Variants in LGI2 observed in about 807,000 individuals in gnomAD.
The protein encoded by LGI2 is leucine rich repeat LGI family member 2, also known as leucine-rich repeat LGI family member 2.
LGI2 carries 30 observed loss-of-function variants against 52.0 expected under a neutral mutation model. That is an observed-to-expected ratio of 0.58 (90% CI 0.43 to 0.78). The LOEUF is 0.78. Among genes scored for constraint, LGI2 ranks in the 30% least tolerant of loss-of-function variants. The pLI, the probability that LGI2 is intolerant of heterozygous loss-of-function variation, is 0.00. For missense variants in LGI2, 573 were observed against 692.5 expected (o/e 0.83, Z 1.94); for synonymous variants, 270 against 271.8 (o/e 0.99, Z 0.06).
intron 2 of LGI2, 42 bp downstream of exon 2, chr4:25,028,465 C>T: frequency 1.3e-6 from 2 of 1,585,406 alleles, no homozygotes; most frequent in Non-Finnish European, 1.7e-6. Context: ...AGGATGGCAC[C>T]TCAGGGCCCC....
At chr4:24,995,141 T>C (rs923176151), downstream of LGI2, among the ~76,000 whole-genome samples, 1 of 152,200 alleles carries the variant, frequency 6.6e-6, no homozygotes, top group Non-Finnish European at 1.5e-5. Context: ...CCTTAAACAG[T>C]ATGTGTGTTG....
At chr4:25,012,251 T>C (rs1725609330) in intron 7 of LGI2, 84 bp downstream of exon 7, 2 of 1,480,640 alleles carry the variant, frequency 1.4e-6, no homozygotes, top group Admixed American at 1.7e-5. Flanking sequence ...GAGCTCTCCC[T>C]CAATACAGAG....
chr4:25,017,489 T>C (rs1416720641), intron 6 of LGI2, among the ~76,000 whole-genome samples: 1 of 138,154 alleles, frequency 7.2e-6, no homozygotes, highest in Non-Finnish European at 1.5e-5. Flanking sequence ...TTGCAGTGAG[T>C]TGAGATCACG....
At chr4:25,020,107 A>G (rs1412875557) in intron 4 of LGI2, among the ~76,000 whole-genome samples, 1 of 152,240 alleles carries the variant, frequency 6.6e-6, no homozygotes, top group African/African-American at 2.4e-5. Context: ...GACTCAGTCA[A>G]TACTCCTTTA....
intron 4 of LGI2, among the ~76,000 whole-genome samples, chr4:25,023,838 C>A (rs1726056597): frequency 6.6e-6 from 1 of 152,164 alleles, no homozygotes; most frequent in African/African-American, 2.4e-5. Flanking sequence ...TTTTCATAAA[C>A]ACAGCCACTA....
In LGI2 at chr4:25,004,345, T is replaced by C; in HGVS notation, c.821-77A>G. ...CATCTCCGCTTGTACTCTTATACAC[T>C]GCTGGTGGGAGTGTGAAATGGCACA... On this transcript the variant is annotated intron_variant, in intron 7 of 7. Transcript: ENST00000382114. The surrounding 1 kb of genome is among the most constrained non-coding windows in gnomAD (Gnocchi z 4.6). The C allele has an allele frequency of 7.8e-7, 1 of 1,278,710 alleles. No homozygotes were observed. The highest frequency in any genetic ancestry group is 2.3e-5 in the East Asian group (1 of 43,052). 79.2% of individuals were successfully genotyped at this position (1,278,710 alleles called of 1,614,324 possible).
At chr4:25,018,874 A>C (rs1725857431) in intron 5 of LGI2, among the ~76,000 whole-genome samples, 1 of 151,882 alleles carries the variant, frequency 6.6e-6, no homozygotes, top group African/African-American at 2.4e-5. Flanking sequence ...AAAAAAAAAA[A>C]TACATCCAGT....
chr4:25,003,670 T>G lies in LGI2; in HGVS notation c.1419A>C (p.Lys473Asn). 1 of 1,614,218 alleles carries G rather than the reference T, an allele frequency of 6.2e-7. No homozygotes were observed. The part of the protein sequence containing the change: ...GAMTLQPFSF[K>N]DNHYLALGSD... ...TCCCCAGGGCCAGGTAGTGATTATC[T>G]TTAAAAGAAAAGGGCTGCAGGGTCA... Residue 473 changes from lysine (K) to asparagine (N), a missense_variant, in exon 8 of 8, where the codon AAA becomes AAC. Physicochemically the swap from Lys to Asn is moderately conservative, Grantham distance 94 (BLOSUM62 0). Coordinates refer to ENST00000382114, the MANE Select transcript of LGI2 (RefSeq NM_018176.4).
Position 25,004,613 on chromosome 4 carries a change from G to A in LGI2, c.821-345C>T, listed in dbSNP as rs1236606292. Among the ~76,000 whole-genome samples the A allele has an allele frequency of 6.6e-6, 1 of 152,100 alleles. No individual in the cohort carries two copies. Among genetic ancestry groups the A allele is most frequent in the Non-Finnish European group, 1.5e-5 (1 of 68,020 alleles). On this transcript the variant is annotated intron_variant, in intron 7 of 7. Coordinates refer to ENST00000382114, the MANE Select transcript of LGI2 (RefSeq NM_018176.4). This position sits in a 1 kb window ranked among gnomAD's most constrained non-coding sequence, Gnocchi z 4.6. ...CCTTTGGGAGGTGATTAGGTCATGGGAGCAGAGTCCTCAGGAATGGGATTA... is the reference window on the plus strand; with the variant it reads ...CCTTTGGGAGGTGATTAGGTCATGGAAGCAGAGTCCTCAGGAATGGGATTA...
At chr4:25,022,331 C>T (rs1725996843) in intron 4 of LGI2, among the ~76,000 whole-genome samples, 2 of 152,208 alleles carry the variant, frequency 1.3e-5, no homozygotes, top group South Asian at 2.1e-4. Context: ...AAACAGCATC[C>T]CGGGCAAGGG....
At position 25,019,149 on chromosome 4, in the gene LGI2, C is replaced by T. The variant is rs375321092; in HGVS notation, c.485+18G>A. On this transcript the variant is annotated intron_variant, in intron 5 of 7. Transcript: ENST00000382114. ...GGGCACAATGACAAACACACATAAA[C>T]TAAATTTCATTACTTACAGTTCAAT... The T allele has an allele frequency of 1.3e-6, 2 of 1,510,714 alleles. No individual in the cohort carries two copies. The highest frequency in any genetic ancestry group is 1.8e-6 in the Non-Finnish European group (2 of 1,088,050). The allele number at this position is 1,510,714 out of a possible 1,614,324, so 93.6% of individuals were successfully genotyped here.
intron 7 of LGI2, among the ~76,000 whole-genome samples, chr4:25,009,524 G>GT (rs1725508506): frequency 6.6e-6 from 1 of 151,932 alleles, no homozygotes; most frequent in Non-Finnish European, 1.5e-5. Flanking sequence ...TGTCTGATGT[G>GT]TTTTTTTAAA....
At chr4:25,020,981 G>A (rs567119600) in intron 4 of LGI2, among the ~76,000 whole-genome samples, 23 of 151,998 alleles carry the variant, frequency 1.5e-4, no homozygotes, top group Non-Finnish European at 2.2e-4. Flanking sequence ...TTTCCTGGTC[G>A]ATGGTCACTT....
At chr4:25,010,638 A>G (rs1038482035) in intron 7 of LGI2, among the ~76,000 whole-genome samples, 5 of 152,210 alleles carry the variant, frequency 3.3e-5, no homozygotes, top group African/African-American at 9.6e-5. Flanking sequence ...TCTTTCTAGT[A>G]TGTATGCCTC....
At chr4:25,020,198 A>G (rs1440806319) in intron 4 of LGI2, among the ~76,000 whole-genome samples, 2 of 152,178 alleles carry the variant, frequency 1.3e-5, no homozygotes, top group Non-Finnish European at 2.9e-5. Flanking sequence ...ATGATTGACT[A>G]TGATCAATTT....
At chr4:25,028,438 G>C in intron 2 of LGI2, 69 bp downstream of exon 2, 1 of 1,407,494 alleles carries the variant, frequency 7.1e-7, no homozygotes, top group Non-Finnish European at 1.0e-6. Context: ...TACCAAAGAG[G>C]CAGAGACGGC....
intron 5 of LGI2, 123 bp from the exon 6 acceptor site, chr4:25,018,281 G>T: frequency 3.0e-6 from 2 of 668,318 alleles, no homozygotes; most frequent in Non-Finnish European, 4.8e-6. Flanking sequence ...CCCTAAAAAT[G>T]GAGTTTAAAA....
At position 25,024,857 on chromosome 4, in the gene LGI2, T is replaced by G; in HGVS notation, c.376A>C (p.Arg126=). The G allele has an allele frequency of 6.2e-7, 1 of 1,608,772 alleles. No homozygotes were observed. Among genetic ancestry groups the G allele is most frequent in the Non-Finnish European group, 8.5e-7 (1 of 1,178,178 alleles). Reference sequence around the variant, plus strand: ...TCACGGAGGCCACGAAAGGCATTTCTTGAAATGGTTTCTATTTTGTTCCCT... The same window carrying G: ...TCACGGAGGCCACGAAAGGCATTTCGTGAAATGGTTTCTATTTTGTTCCCT... ...IEGNKIETIS[R]NAFRGLRDLT... Residue 126 remains arginine (R), a synonymous_variant, in exon 4 of 8, where the codon AGA becomes CGA. Transcript: ENST00000382114.
At chr4:25,010,474 C>G (rs772686181) in intron 7 of LGI2, among the ~76,000 whole-genome samples, 1 of 152,268 alleles carries the variant, frequency 6.6e-6, no homozygotes, top group East Asian at 1.9e-4. Context: ...GAGAAGCGCC[C>G]GCTCTGTGCA....
Sources: gnomAD v4.1 joint callset for allele counts (sites outside exome capture counted in the v4.1 genomes callset) on GRCh38, gnomAD v4.1.1 for gene constraint, Gnocchi (gnomAD v3.1) non-coding constraint, MANE v1.5 for transcripts, NCBI Gene and HGNC (gene_info 2026-07-23, HGNC 2026-07-21) for gene names.